LIPA: variants seen among roughly 807,000 people sequenced by gnomAD.
LIPA encodes lipase A, lysosomal acid type.
In LIPA, 26 loss-of-function variants were observed where a neutral mutation model predicts 40.6. The observed-to-expected ratio is 0.64, with a 90% CI of 0.47 to 0.89. The LOEUF (loss-of-function observed/expected upper bound fraction) is 0.89. Ranked by LOEUF, LIPA falls within the 40% of genes least tolerant of loss-of-function variation. The pLI is 0.00. For missense variants in LIPA, 455 were observed against 479.6 expected (o/e 0.95, Z 0.48); for synonymous variants, 188 against 168.4 (o/e 1.12, Z -0.90).
chr10:89,257,317 A>G (rs1246109606), intron 1 of LIPA, among the ~76,000 whole-genome samples: 1 of 152,228 alleles, frequency 6.6e-6, no homozygotes, highest in Non-Finnish European at 1.5e-5. Flanking sequence ...GACAACTTTC[A>G]CAACTATAAA....
intron 1 of LIPA, among the ~76,000 whole-genome samples, chr10:89,326,096 A>T (rs1411173517): frequency 6.6e-6 from 1 of 152,204 alleles, no homozygotes; most frequent in Non-Finnish European, 1.5e-5. Context: ...GGAATACATC[A>T]AAAAGAAAGG....
At chr10:89,362,975 C>A in intron 2 of LIPA, 1 of 262,764 alleles carries the variant, frequency 3.8e-6, no homozygotes, top group South Asian at 7.8e-5. Context: ...TTATCCTTGC[C>A]CTGAAGCTTC....
intron 2 of LIPA, among the ~76,000 whole-genome samples, chr10:89,357,326 C>G (rs35830608): frequency 0.23 from 34,950 of 152,108 alleles, 4,188 homozygotes; most frequent in African/African-American, 0.25. Context: ...ACCTGAGGAG[C>G]CTCTCAGCTG....
rs150376933 is a variant in LIPA at position 89,246,073 on chromosome 10, C to A, written c.112-280G>T. 2.1e-3 allele frequency among the ~76,000 whole-genome samples: 327 copies of A among 152,226 alleles called. 1 individual carries two copies. Among genetic ancestry groups the A allele is most frequent in the African/African-American group, 7.4e-3 (306 of 41,522 alleles). On this transcript the variant is annotated intron_variant, in intron 2 of 9. Transcript: ENST00000336233. ...TTGCCTAACTTTACCACATCTTGGG[C>A]CTCTTTGTTTCCATCCTGCCTACCG...
At chr10:89,320,720 T>G (rs1299892037) in intron 1 of LIPA, among the ~76,000 whole-genome samples, 2 of 152,194 alleles carry the variant, frequency 1.3e-5, no homozygotes, top group Non-Finnish European at 1.5e-5. Context: ...AAAACTACTT[T>G]AAAGTTCATA....
chr10:89,295,045 G>T (rs564616978), intron 1 of LIPA, among the ~76,000 whole-genome samples: 13 of 145,636 alleles, frequency 8.9e-5, no homozygotes, highest in Non-Finnish European at 1.8e-4. Flanking sequence ...GGAAAGGAAA[G>T]GAAAGGAAAG....
chr10:89,402,426 AGTGTGGGAATACACAACCTACTAGCCTAT>A, intron 2 of LIPA: 1 of 1,614,206 alleles, frequency 6.2e-7, no homozygotes, highest in South Asian at 1.1e-5. Context: ...CACCAAATAC[AGTGTGGGAATACACAACCTACTAGCCTAT>A]GTGAAACACC....
Position 89,408,076 on chromosome 10 carries a change from CA to C in LIPA, c.61+4714del, listed in dbSNP as rs527273570. The stretch of plus-strand genomic sequence containing the variant: ...TGGGCAGGGGGAGAAACAAACAAAC[CA>C]AAACCATGGGTGGTTTTGTCTTTCA... On this transcript the variant is annotated intron_variant, in intron 2 of 8. Transcript: ENST00000371837. Among the ~76,000 whole-genome samples the C allele has an allele frequency of 3.3e-3, 504 of 152,198 alleles. 5 individuals carry two copies. Among genetic ancestry groups the C allele is most frequent in the African/African-American group, 0.012 (483 of 41,520 alleles).
intron 3 of LIPA, among the ~76,000 whole-genome samples, chr10:89,236,947 T>C (rs1842912526): frequency 1.3e-5 from 2 of 152,210 alleles, no homozygotes; most frequent in African/African-American, 4.8e-5. Flanking sequence ...TAAAAGATGC[T>C]TTGATAATTT....
At chr10:89,244,526 G>A (rs990178650) in intron 3 of LIPA, among the ~76,000 whole-genome samples, 2 of 152,062 alleles carry the variant, frequency 1.3e-5, no homozygotes, top group Non-Finnish European at 2.9e-5. Context: ...AGGTTGCAGT[G>A]AGCCAAGATT....
intron 3 of LIPA, among the ~76,000 whole-genome samples, chr10:89,232,083 TGTAA>T (rs373619594): frequency 9.6e-4 from 146 of 152,240 alleles, no homozygotes; most frequent in African/African-American, 3.2e-3. Context: ...TAAACTGCAG[TGTAA>T]GTGACAATTA....
chr10:89,337,032 T>A (rs896883762), intron 1 of LIPA, among the ~76,000 whole-genome samples: 1 of 152,230 alleles, frequency 6.6e-6, no homozygotes, highest in Non-Finnish European at 1.5e-5. Context: ...TTTGTTTGTT[T>A]GTTGCAACAA....
chr10:89,304,941 C>T (rs1182894904), intron 1 of LIPA, among the ~76,000 whole-genome samples: 1 of 151,762 alleles, frequency 6.6e-6, no homozygotes, highest in African/African-American at 2.4e-5. Flanking sequence ...CCTGTAGCTG[C>T]ACTTCTTGCC....
chr10:89,383,331 T>A (rs563693998), intron 2 of LIPA: 3 of 1,611,928 alleles, frequency 1.9e-6, no homozygotes, highest in Non-Finnish European at 2.5e-6. Flanking sequence ...AAGAATCTGA[T>A]GGAAAGCTTA....
rs902289974 is a variant in LIPA, at chr10:89,227,109, G to C, written c.429-105C>G. On this transcript the variant is annotated intron_variant, in intron 4 of 9. Transcript: ENST00000336233. ...AGTTATCACAAACTAAACACAGCTG[G>C]GAAAACCAGCAGTGAGTCCAGGAAA... The C allele has an allele frequency of 3.8e-6, 3 of 790,928 alleles. No individual in the cohort carries two copies. The Admixed American group carries it at 5.6e-5, about 15-fold the overall frequency. 49.0% of individuals were successfully genotyped at this position (790,928 alleles called of 1,614,324 possible). A position where few individuals can be genotyped will look rare whatever the true frequency, so the allele number is the denominator to read the frequency against.
chr10:89,288,450 A>T (rs557863967), intron 1 of LIPA, among the ~76,000 whole-genome samples: 2 of 152,288 alleles, frequency 1.3e-5, no homozygotes, highest in East Asian at 3.9e-4. Flanking sequence ...ACACACAGCG[A>T]AAGTACAGGG....
At chr10:89,353,211 A>G (rs1223522920) in intron 2 of LIPA, among the ~76,000 whole-genome samples, 1 of 152,190 alleles carries the variant, frequency 6.6e-6, no homozygotes, top group South Asian at 2.1e-4. Flanking sequence ...AATACCTGAA[A>G]TTGGTAATCA....
At chr10:89,298,223 A>G (rs1843426426) in intron 1 of LIPA, among the ~76,000 whole-genome samples, 1 of 152,158 alleles carries the variant, frequency 6.6e-6, no homozygotes, top group Non-Finnish European at 1.5e-5. Flanking sequence ...GAATTAGCCT[A>G]CCTGGTCCCA....
intron 1 of LIPA, chr10:89,306,800 T>A (rs752339055): frequency 1.2e-6 from 2 of 1,613,888 alleles, no homozygotes; most frequent in Non-Finnish European, 8.5e-7. Context: ...AAACAATGCC[T>A]ACCTGCATTG....
Sources: allele counts gnomAD v4.1 joint callset (sites outside exome capture counted in the v4.1 genomes callset), GRCh38; gene constraint gnomAD v4.1.1; transcripts MANE v1.5; gene names NCBI Gene and HGNC (gene_info 2026-07-23, HGNC 2026-07-21).